NCAM2: variants seen among roughly 807,000 people sequenced by gnomAD.
NCAM2 encodes N-CAM-2.
In NCAM2, 30 loss-of-function variants were observed where a neutral mutation model predicts 98.1. That is an observed-to-expected ratio of 0.31 (90% confidence interval 0.23 to 0.41). NCAM2 has a LOEUF of 0.41. NCAM2 is among the 10% of genes least tolerant of loss of function. The pLI is 1.00. For missense variants in NCAM2, 867 were observed against 1,005.8 expected, an observed-to-expected ratio of 0.86 and a Z score of 1.87; for synonymous variants, 368 against 342.4, an observed-to-expected ratio of 1.07 and a Z score of -0.83.
chr21:21,533,431 T>C (rs1989818889), intron 16 of NCAM2, among the ~76,000 whole-genome samples: 2 of 151,934 alleles, frequency 1.3e-5, no homozygotes, highest in South Asian at 4.1e-4. Flanking sequence ...TTTAAAGTTC[T>C]ATATATTTTC....
chr21:21,162,997 A>G (rs561908658), intron 1 of NCAM2, among the ~76,000 whole-genome samples: 2 of 152,172 alleles, frequency 1.3e-5, no homozygotes, highest in Non-Finnish European at 2.9e-5. Flanking sequence ...GGAAGTCCCA[A>G]TTGCTTACTC....
At chr21:21,449,445 A>G (rs1361786558) in intron 12 of NCAM2, among the ~76,000 whole-genome samples, 1 of 151,920 alleles carries the variant, frequency 6.6e-6, no homozygotes, top group East Asian at 1.9e-4. Flanking sequence ...TTCAATGTAC[A>G]TATGATGTTT....
At chr21:21,346,763 C>T (rs1294780841) in intron 8 of NCAM2, among the ~76,000 whole-genome samples, 1 of 151,904 alleles carries the variant, frequency 6.6e-6, no homozygotes, top group Non-Finnish European at 1.5e-5. Context: ...AAAGAATATG[C>T]TCCTGAATGA....
intron 1 of NCAM2, among the ~76,000 whole-genome samples, chr21:21,081,075 C>G (rs2065788150): frequency 6.6e-6 from 1 of 152,114 alleles, no homozygotes; most frequent in South Asian, 2.1e-4. Context: ...CCTGGTTCTT[C>G]CATTGGGGTG....
intron 1 of NCAM2, among the ~76,000 whole-genome samples, chr21:21,090,378 A>C (rs1215751840): frequency 6.6e-6 from 1 of 152,170 alleles, no homozygotes; most frequent in Non-Finnish European, 1.5e-5. Flanking sequence ...CTAGGGGCCC[A>C]TTAGTTTTAA....
chr21:21,082,634 A>G (rs1200463942), intron 1 of NCAM2, among the ~76,000 whole-genome samples: 6 of 152,190 alleles, frequency 3.9e-5, no homozygotes, highest in African/African-American at 7.2e-5. Context: ...TATATTTGCT[A>G]TGCATGTAGA....
intron 1 of NCAM2, among the ~76,000 whole-genome samples, chr21:21,264,789 T>C (rs142235493): frequency 0.012 from 1,711 of 139,116 alleles, 37 homozygotes; most frequent in African/African-American, 0.043. Flanking sequence ...TACATATATA[T>C]ATATTCCACT....
chr21:21,007,473 T>A (rs185448511), intron 1 of NCAM2, among the ~76,000 whole-genome samples: 209 of 152,296 alleles, frequency 1.4e-3, no homozygotes, highest in African/African-American at 4.8e-3. Flanking sequence ...GGTCTGCTGG[T>A]TGCCCATTTT....
chr21:21,511,733 C>T (rs527338325), intron 16 of NCAM2, among the ~76,000 whole-genome samples: 2 of 151,952 alleles, frequency 1.3e-5, no homozygotes, highest in Non-Finnish European at 2.9e-5. Flanking sequence ...TAATGGTTTT[C>T]ATTTCTTCAC....
intron 15 of NCAM2, among the ~76,000 whole-genome samples, chr21:21,494,236 A>C (rs556661394): frequency 5.3e-5 from 8 of 152,100 alleles, no homozygotes; most frequent in Admixed American, 1.3e-4. Context: ...TTCGAAAACA[A>C]ATTATAAAAT....
At chr21:21,273,256 G>T (rs1399306594) in intron 1 of NCAM2, among the ~76,000 whole-genome samples, 2 of 152,150 alleles carry the variant, frequency 1.3e-5, no homozygotes, top group African/African-American at 4.8e-5. Context: ...GAGGAATAAA[G>T]TAGTTATTGT....
chr21:21,319,705 TA>T (rs1001882511), intron 5 of NCAM2, among the ~76,000 whole-genome samples: 17 of 2,916 alleles, frequency 5.8e-3, no homozygotes, highest in Non-Finnish European at 0.046. Context: ...AGTTGCCTCT[TA>T]TTTTTTTTTT....
At chr21:21,341,664 T>C (rs1290212319) in intron 8 of NCAM2, among the ~76,000 whole-genome samples, 1 of 151,584 alleles carries the variant, frequency 6.6e-6, no homozygotes. Context: ...AATATGTTCA[T>C]CATTTTAGAT....
At chr21:21,040,040 G>A (rs1255313889) in intron 1 of NCAM2, among the ~76,000 whole-genome samples, 1 of 152,122 alleles carries the variant, frequency 6.6e-6, no homozygotes, top group Non-Finnish European at 1.5e-5. Flanking sequence ...ACCTTCGCTA[G>A]CACATTGTAA....
intron 9 of NCAM2, among the ~76,000 whole-genome samples, chr21:21,380,615 C>T (rs1208353084): frequency 1.3e-5 from 2 of 151,774 alleles, no homozygotes; most frequent in African/African-American, 4.8e-5. Flanking sequence ...CTCATGGATT[C>T]CTTCCTTTCT....
intron 5 of NCAM2, among the ~76,000 whole-genome samples, chr21:21,309,943 T>A (rs1473451317): frequency 6.6e-6 from 1 of 152,234 alleles, no homozygotes; most frequent in Non-Finnish European, 1.5e-5. Flanking sequence ...CATTTTTAGC[T>A]GTTTCAGGTG....
chr21:21,255,110 AGGTTAAATGTCGGGATCT>A, intron 1 of NCAM2, among the ~76,000 whole-genome samples: 1 of 152,210 alleles, frequency 6.6e-6, no homozygotes, highest in Non-Finnish European at 1.5e-5. Context: ...GGAAGGGCAC[AGGTTAAATGTCGGGATCT>A]CATGGTTTTT....
At chr21:21,057,340 G>T (rs1400438152) in intron 1 of NCAM2, among the ~76,000 whole-genome samples, 1 of 152,052 alleles carries the variant, frequency 6.6e-6, no homozygotes, top group Non-Finnish European at 1.5e-5. Flanking sequence ...CTATGAATGG[G>T]TAAACCAGTT....
chr21:21,507,721 T>C (rs1602522850), intron 15 of NCAM2, among the ~76,000 whole-genome samples: 1 of 134,838 alleles, frequency 7.4e-6, no homozygotes, highest in African/African-American at 2.8e-5. Flanking sequence ...ACCCGGGAGG[T>C]GGAGGTTACA....
Sources: allele counts gnomAD v4.1 joint callset (sites outside exome capture counted in the v4.1 genomes callset), GRCh38; gene constraint gnomAD v4.1.1; transcripts MANE v1.5; gene names NCBI Gene and HGNC (gene_info 2026-07-23, HGNC 2026-07-21).